Variants in ARSB observed in about 807,000 individuals in gnomAD.
The protein encoded by ARSB is arylsulfatase B.
A neutral mutation model predicts 50.9 loss-of-function variants in ARSB; 41 were observed. That is an observed-to-expected ratio of 0.81 (90% confidence interval 0.63 to 1.04). The LOEUF (loss-of-function observed/expected upper bound fraction) is 1.04. Ranked by LOEUF, ARSB falls within the 50% of genes least tolerant of loss-of-function variation. The probability of loss-of-function intolerance (pLI) is 0.00; values close to 1 mark genes in which losing one functional copy is unlikely to be tolerated. For missense variants in ARSB, 672 were observed against 693.3 expected (o/e 0.97, Z 0.35); for synonymous variants, 269 against 284.8 (o/e 0.94, Z 0.56).
chr5:78,956,821 T>A lies in ARSB; in HGVS notation c.691-1319A>T, dbSNP rs1223676687. Among the ~76,000 whole-genome samples, 3 of 152,220 alleles carry A rather than the reference T, an allele frequency of 2.0e-5. 1 individual carries two copies. The highest frequency in any genetic ancestry group is 2.0e-4 in the Admixed American group (3 of 15,284). On this transcript the variant is annotated intron_variant, in intron 3 of 7. Coordinates refer to ENST00000264914, the MANE Select transcript of ARSB (RefSeq NM_000046.5). The stretch of plus-strand genomic sequence containing the variant: ...CCACATTAACCGAAGAGCAATTTCC[T>A]ATTGGAAAACCCACTATTACGATAT...
At chr5:78,949,194 T>C (rs1447586429) in intron 4 of ARSB, among the ~76,000 whole-genome samples, 3 of 152,182 alleles carry the variant, frequency 2.0e-5, no homozygotes, top group African/African-American at 7.2e-5. Context: ...TTCTCTCAGA[T>C]TATAACAGAA....
At chr5:78,848,526 C>T (rs566108127) in intron 5 of ARSB, among the ~76,000 whole-genome samples, 23 of 151,392 alleles carry the variant, frequency 1.5e-4, no homozygotes, top group South Asian at 1.2e-3. Context: ...AATAAACATA[C>T]GTGTGCATGT....
intron 6 of ARSB, among the ~76,000 whole-genome samples, chr5:78,838,155 G>A (rs533731647): frequency 1.4e-4 from 22 of 152,272 alleles, no homozygotes; most frequent in African/African-American, 3.6e-4. Flanking sequence ...GCACAAACAC[G>A]AACATGTGAG....
intron 5 of ARSB, among the ~76,000 whole-genome samples, chr5:78,845,098 C>T (rs184932555): frequency 6.6e-6 from 1 of 151,768 alleles, no homozygotes; most frequent in Non-Finnish European, 1.5e-5. Flanking sequence ...ATGAGATCAA[C>T]GTTTTTTAGC....
At chr5:78,795,364 T>C (rs938851634) in intron 6 of ARSB, among the ~76,000 whole-genome samples, 2 of 152,008 alleles carry the variant, frequency 1.3e-5, no homozygotes, top group African/African-American at 2.4e-5. Context: ...TGCAGGTACA[T>C]GTGGGGAGTG....
rs986858248 is a variant in ARSB at position 78,839,340 on chromosome 5, A to G, written c.1213+16T>C. On this transcript the variant is annotated intron_variant, in intron 6 of 7. Transcript: ENST00000264914. Reference sequence around the variant, plus strand: ...GCCAATTAGATTTAATCTAGTAGCAATGCACTGGTACTCACACGGTGAAGA... The same window carrying G: ...GCCAATTAGATTTAATCTAGTAGCAGTGCACTGGTACTCACACGGTGAAGA... 6.2e-7 allele frequency: 1 copy of G among 1,609,708 alleles called. No individual in the cohort carries two copies.
intron 4 of ARSB, among the ~76,000 whole-genome samples, chr5:78,948,359 TATG>T (rs1375684655): frequency 6.6e-6 from 1 of 152,204 alleles, no homozygotes; most frequent in Non-Finnish European, 1.5e-5. Flanking sequence ...ATTACCCAGA[TATG>T]ATTACTATGC....
chr5:78,985,179 G>C lies in ARSB; in HGVS notation c.70C>G (p.Leu24Val). 1 of 1,422,384 alleles carries C rather than the reference G, an allele frequency of 7.0e-7. No homozygotes were observed. The highest frequency in any genetic ancestry group is 9.2e-7 in the Non-Finnish European group (1 of 1,088,894). 88.1% of individuals were successfully genotyped at this position (1,422,384 alleles called of 1,614,324 possible). Residue 24 changes from leucine (L) to valine (V), a missense_variant, in exon 1 of 8, where the codon CTC becomes GTC. Transcript: ENST00000264914. ...AACAACAGCAGCAGCAGCAGCGGGA[G>C]GACGACGGGGAGGAGCAGCCGCCGA... ...GPRRLLLPVV[L>V]PLLLLLLLAP...
chr5:78,931,126 T>A (rs981187657), intron 4 of ARSB, among the ~76,000 whole-genome samples: 1 of 152,198 alleles, frequency 6.6e-6, no homozygotes, highest in African/African-American at 2.4e-5. Context: ...GATACAAATA[T>A]ATTGCACACA....
chr5:78,973,540 A>G (rs1752545241), intron 1 of ARSB, among the ~76,000 whole-genome samples: 1 of 152,178 alleles, frequency 6.6e-6, no homozygotes, highest in South Asian at 2.1e-4. Context: ...CTGCACACCT[A>G]GGAGTTCCTT....
chr5:78,798,507 C>A (rs1176123683), intron 6 of ARSB, among the ~76,000 whole-genome samples: 2 of 152,226 alleles, frequency 1.3e-5, no homozygotes, highest in African/African-American at 2.4e-5. Context: ...GACCCCCCCG[C>A]CCCCTACATG....
intron 1 of ARSB, among the ~76,000 whole-genome samples, chr5:78,978,444 C>A (rs1014375769): frequency 6.6e-6 from 1 of 151,722 alleles, no homozygotes; most frequent in Admixed American, 6.6e-5. Context: ...TTTTACAGAT[C>A]ACTGAAATCC....
At chr5:78,934,873 T>C (rs187627278) in intron 4 of ARSB, among the ~76,000 whole-genome samples, 1 of 152,184 alleles carries the variant, frequency 6.6e-6, no homozygotes, top group African/African-American at 2.4e-5. Context: ...CTTGTATATT[T>C]ATGAAACCAT....
At chr5:78,886,834 T>G (rs1297679579) in intron 4 of ARSB, among the ~76,000 whole-genome samples, 1 of 152,024 alleles carries the variant, frequency 6.6e-6, no homozygotes. Context: ...ACCTGCTGTA[T>G]AGAATGTTAC....
Position 78,981,914 on chromosome 5 carries a change from C to CTT in ARSB, c.312+3021_312+3022dup, listed in dbSNP as rs1202455685. On this transcript the variant is annotated intron_variant, in intron 1 of 7. Transcript: ENST00000264914. The stretch of plus-strand genomic sequence containing the variant: ...GACTGCCAAGTTCATAGATATGACT[C>CTT]TTTTTTTTTTTTTTTTTTTTGAGAC... 4.2e-3 allele frequency among the ~76,000 whole-genome samples: 228 copies of CTT among 53,824 alleles called. 43 individuals carry two copies. Among genetic ancestry groups the CTT allele is most frequent in the Non-Finnish European group, 6.4e-3 (168 of 26,264 alleles). 35.3% of individuals were successfully genotyped at this position (53,824 alleles called of 152,430 possible).
rs7704939 is a variant in ARSB, at chr5:78,778,375, A to C, written c.*2022T>G. The stretch of plus-strand genomic sequence containing the variant: ...AATACAGGTTAGTAGTGACCAGAAA[A>C]TATTGCTACTGAATTGAAGGATGAC... On this transcript the variant is annotated 3_prime_UTR_variant, in exon 8 of 8. Coordinates refer to ENST00000264914, the MANE Select transcript of ARSB (RefSeq NM_000046.5). 0.44 allele frequency: 67,209 copies of C among 152,062 alleles called. 15,201 individuals carry two copies. Among genetic ancestry groups the C allele is most frequent in the African/African-American group, 0.54 (22,314 of 41,460 alleles). 9.4% of individuals were successfully genotyped at this position (152,062 alleles called of 1,614,324 possible).
At chr5:78,892,850 G>C (rs1291110043) in intron 4 of ARSB, among the ~76,000 whole-genome samples, 1 of 152,200 alleles carries the variant, frequency 6.6e-6, no homozygotes, top group African/African-American at 2.4e-5. Flanking sequence ...ACACTAACCA[G>C]ACTTTACATC....
chr5:78,958,357 G>A (rs1751828860), intron 3 of ARSB, among the ~76,000 whole-genome samples: 2 of 152,154 alleles, frequency 1.3e-5, no homozygotes, highest in Admixed American at 6.5e-5. Context: ...AAGAGGGTAG[G>A]TGATTCCCAG....
chr5:78,985,147 C>G lies in ARSB; in HGVS notation c.102G>C (p.Pro34=). Residue 34 remains proline (P), a synonymous_variant, in exon 1 of 8, where the codon CCG becomes CCC. Coordinates refer to ENST00000264914, the MANE Select transcript of ARSB (RefSeq NM_000046.5). The part of the protein sequence containing the change: ...LPLLLLLLLA[P]PGSGAGASRP... The stretch of plus-strand genomic sequence containing the variant: ...GGCTGGCCCCGGCGCCCGAGCCCGG[C>G]GGCGCCAACAACAGCAGCAGCAGCA... 6.9e-7 allele frequency: 1 copy of G among 1,453,624 alleles called. No individual in the cohort carries two copies. Among genetic ancestry groups the G allele is most frequent in the Non-Finnish European group, 9.1e-7 (1 of 1,100,810 alleles). 90.0% of individuals were successfully genotyped at this position (1,453,624 alleles called of 1,614,324 possible).
Sources: gnomAD v4.1 joint callset for allele counts (sites outside exome capture counted in the v4.1 genomes callset) on GRCh38, gnomAD v4.1.1 for gene constraint, MANE v1.5 for transcripts, NCBI Gene and HGNC (gene_info 2026-07-23, HGNC 2026-07-21) for gene names.